NAALADL2: variants seen among roughly 807,000 people sequenced by gnomAD.
NAALADL2 encodes the protein N-acetylated alpha-linked acidic dipeptidase like 2.
NAALADL2 carries 76 observed loss-of-function variants against 87.2 expected under a neutral mutation model. The observed-to-expected ratio is 0.87, with a 90% confidence interval of 0.72 to 1.05. NAALADL2 has a LOEUF of 1.05. NAALADL2 is among the 50% of genes least tolerant of loss of function. NAALADL2 has a pLI of 0.00. For synonymous variants in NAALADL2, 354 were observed against 331.0 expected (o/e 1.07, Z -0.75); for missense variants, 1,089 against 945.8 (o/e 1.15, Z -1.99).
intron 5 of NAALADL2, among the ~76,000 whole-genome samples, chr3:175,388,472 T>G (rs985989727): frequency 6.6e-6 from 1 of 152,068 alleles, no homozygotes; most frequent in African/African-American, 2.4e-5. Context: ...CGATGTTGAG[T>G]GAAATTATAT....
chr3:174,569,353 A>C (rs1714656756), intron 2 of NAALADL2, among the ~76,000 whole-genome samples: 1 of 152,056 alleles, frequency 6.6e-6, no homozygotes, highest in African/African-American at 2.4e-5. Context: ...ATATTAAATA[A>C]AGTACCCAGT....
intron 1 of NAALADL2, among the ~76,000 whole-genome samples, chr3:175,001,430 T>G (rs1285551509): frequency 6.6e-6 from 1 of 152,150 alleles, no homozygotes; most frequent in Non-Finnish European, 1.5e-5. Context: ...TTTAAGGAGC[T>G]CTATTCTGCT....
intron 1 of NAALADL2, among the ~76,000 whole-genome samples, chr3:174,502,227 G>C (rs1230695711): frequency 6.6e-6 from 1 of 152,106 alleles, no homozygotes; most frequent in African/African-American, 2.4e-5. Context: ...CATACTGTCT[G>C]ATTTGCAAAG....
chr3:175,737,131 A>G (rs969772749), intron 11 of NAALADL2, among the ~76,000 whole-genome samples, 175 bp from the exon 12 acceptor site: 1 of 152,176 alleles, frequency 6.6e-6, no homozygotes, highest in African/African-American at 2.4e-5. Context: ...TTTTCTTTAT[A>G]GAAAGATAAA....
intron 2 of NAALADL2, chr3:175,115,357 T>C (rs1338807973): frequency 7.3e-5 from 11 of 151,652 alleles, no homozygotes; most frequent in Non-Finnish European, 5.9e-5. Flanking sequence ...TAGTTACAGT[T>C]TCTTGACATG....
At chr3:175,630,679 C>CT (rs1244051739) in intron 11 of NAALADL2, among the ~76,000 whole-genome samples, 3 of 151,474 alleles carry the variant, frequency 2.0e-5, no homozygotes, top group Non-Finnish European at 4.4e-5. Flanking sequence ...CTTTAGAATA[C>CT]TTTTTTTCAC....
intron 1 of NAALADL2, among the ~76,000 whole-genome samples, chr3:175,090,697 G>A (rs1211888742): frequency 1.3e-5 from 2 of 151,794 alleles, no homozygotes; most frequent in Non-Finnish European, 2.9e-5. Context: ...TGAAGTTTTA[G>A]TTTATGCTAT....
At chr3:175,244,534 GTTCT>G in intron 3 of NAALADL2, among the ~76,000 whole-genome samples, 2 of 152,042 alleles carry the variant, frequency 1.3e-5, no homozygotes, top group East Asian at 1.9e-4. Flanking sequence ...CCCAACTGTT[GTTCT>G]TTCTTTCTTT....
intron 2 of NAALADL2, among the ~76,000 whole-genome samples, chr3:175,170,705 G>T (rs1266304205): frequency 6.6e-6 from 1 of 151,152 alleles, no homozygotes; most frequent in Non-Finnish European, 1.5e-5. Flanking sequence ...AGAAAAATTG[G>T]AAACTAAAAT....
At chr3:174,816,821 A>G (rs985481146) in intron 3 of NAALADL2, among the ~76,000 whole-genome samples, 2 of 152,140 alleles carry the variant, frequency 1.3e-5, no homozygotes, top group African/African-American at 4.8e-5. Context: ...AGTATTGGTC[A>G]TTGCAAGGCA....
chr3:175,446,704 A>T (rs561322143), intron 5 of NAALADL2, among the ~76,000 whole-genome samples: 25 of 152,290 alleles, frequency 1.6e-4, no homozygotes, highest in African/African-American at 5.8e-4. Context: ...TCAGAATTTC[A>T]TCAAATCCTC....
At chr3:175,319,103 A>T (rs1759519339) in intron 4 of NAALADL2, among the ~76,000 whole-genome samples, 1 of 152,226 alleles carries the variant, frequency 6.6e-6, no homozygotes, top group Admixed American at 6.5e-5. Flanking sequence ...GGGGGTGAGG[A>T]TTTGAAGAGT....
chr3:174,964,361 A>T (rs574072162), intron 1 of NAALADL2, among the ~76,000 whole-genome samples: 3 of 152,104 alleles, frequency 2.0e-5, no homozygotes, highest in Non-Finnish European at 4.4e-5. Context: ...GAATGTTGGG[A>T]AGGAAATGAA....
At chr3:175,075,255 A>G (rs1022265621) in intron 1 of NAALADL2, among the ~76,000 whole-genome samples, 1 of 152,178 alleles carries the variant, frequency 6.6e-6, no homozygotes, top group African/African-American at 2.4e-5. Context: ...TATTTTGTGT[A>G]TCTCTAAGAA....
At chr3:175,371,354 GC>G (rs1239059929) in intron 5 of NAALADL2, among the ~76,000 whole-genome samples, 1 of 151,814 alleles carries the variant, frequency 6.6e-6, no homozygotes, top group African/African-American at 2.4e-5. Context: ...TGCAAGCTCC[GC>G]CCCCCGGGTT....
intron 2 of NAALADL2, among the ~76,000 whole-genome samples, chr3:175,229,714 A>G (rs957491205): frequency 2.6e-5 from 4 of 151,936 alleles, no homozygotes; most frequent in Non-Finnish European, 4.4e-5. Flanking sequence ...CATATGAATA[A>G]ACATTCAGAC....
At chr3:175,285,226 TAGG>T (rs1259164143) in intron 4 of NAALADL2, among the ~76,000 whole-genome samples, 1 of 152,158 alleles carries the variant, frequency 6.6e-6, no homozygotes, top group Non-Finnish European at 1.5e-5. Context: ...CACTAGTCAA[TAGG>T]AGAATTTTCC....
chr3:175,798,163 T>C (rs1753732616), intron 13 of NAALADL2, among the ~76,000 whole-genome samples: 1 of 152,022 alleles, frequency 6.6e-6, no homozygotes, highest in African/African-American at 2.4e-5. Context: ...TCATGCAAAT[T>C]TAAAGAAGAT....
intron 2 of NAALADL2, among the ~76,000 whole-genome samples, chr3:174,574,699 A>C (rs1257299873): frequency 6.6e-6 from 1 of 152,070 alleles, no homozygotes; most frequent in Non-Finnish European, 1.5e-5. Flanking sequence ...TTCCTTCTTC[A>C]GTCGATATTC....
Sources: allele counts gnomAD v4.1 joint callset (sites outside exome capture counted in the v4.1 genomes callset), GRCh38; gene constraint gnomAD v4.1.1; transcripts MANE v1.5; gene names NCBI Gene and HGNC (gene_info 2026-07-23, HGNC 2026-07-21).